The following ABCC4 variants were observed in gnomAD, a reference collection of about 807,000 sequenced individuals.
ABCC4 encodes the protein ATP-binding cassette sub-family C member 4.
Under a neutral mutation model 168.5 loss-of-function variants are expected in ABCC4, and 102 were observed. The ratio of observed to expected loss-of-function variants is 0.61; its 90% CI spans 0.52 to 0.71. The LOEUF is 0.71. Ranked by LOEUF, ABCC4 falls within the 30% of genes least tolerant of loss-of-function variation. The pLI is 0.00. For synonymous variants in ABCC4, 617 were observed against 590.7 expected (o/e 1.04, Z -0.65); for missense variants, 1,402 against 1,605.8 (o/e 0.87, Z 2.17).
intron 29 of ABCC4, 76 bp downstream of exon 29, chr13:95,043,606 G>T: frequency 7.6e-7 from 1 of 1,315,938 alleles, no homozygotes; most frequent in Non-Finnish European, 1.1e-6. Flanking sequence ...TTTCTATCAA[G>T]TTTTACAAGG....
At chr13:95,057,080 T>C (rs940709257) in intron 26 of ABCC4, among the ~76,000 whole-genome samples, 10 of 152,344 alleles carry the variant, frequency 6.6e-5, no homozygotes, top group African/African-American at 2.2e-4. Flanking sequence ...CACCTTGGTG[T>C]TCTCCTTGGG....
At chr13:95,235,804 C>T (rs954374479) in intron 3 of ABCC4, among the ~76,000 whole-genome samples, 1 of 152,126 alleles carries the variant, frequency 6.6e-6, no homozygotes, top group Admixed American at 6.6e-5. Flanking sequence ...CCCGGATGTG[C>T]CCAGAAGAAC....
rs181510421 is a variant in ABCC4 at position 95,063,307 on chromosome 13, A to C, written c.3211-448T>G. Among the ~76,000 whole-genome samples, 748 of 152,346 alleles carry C rather than the reference A, an allele frequency of 4.9e-3. 6 individuals carry two copies. Among genetic ancestry groups the C allele is most frequent in the African/African-American group, 0.017 (688 of 41,574 alleles). The stretch of plus-strand genomic sequence containing the variant: ...TTAGCTTTGCTTGCAGGATCTGAGT[A>C]ATCTGAATTTCTGAGATAATTTCAC... On this transcript the variant is annotated intron_variant, in intron 25 of 30. Coordinates refer to ENST00000645237, the MANE Select transcript of ABCC4 (RefSeq NM_005845.5).
At chr13:95,163,322 A>G in intron 17 of ABCC4, 106 bp from the exon 18 acceptor site, 1 of 780,174 alleles carries the variant, frequency 1.3e-6, no homozygotes, top group East Asian at 2.7e-5. Context: ...CATGCTGGAA[A>G]ATGATTCTCA....
At chr13:95,121,812 T>A (rs1028986267) in intron 19 of ABCC4, among the ~76,000 whole-genome samples, 5 of 152,096 alleles carry the variant, frequency 3.3e-5, no homozygotes, top group African/African-American at 1.2e-4. Flanking sequence ...AGACACCTCA[T>A]CTCCTCCCTT....
chr13:95,190,752 G>C (rs2038226609), intron 9 of ABCC4, among the ~76,000 whole-genome samples: 1 of 152,212 alleles, frequency 6.6e-6, no homozygotes. Flanking sequence ...GAATCCTAAA[G>C]GGGTTTAAGC....
At chr13:95,287,300 G>C (rs1488131440) in intron 1 of ABCC4, among the ~76,000 whole-genome samples, 1 of 140,674 alleles carries the variant, frequency 7.1e-6, no homozygotes, top group Non-Finnish European at 1.5e-5. Context: ...TCCAAAAAAA[G>C]AGAACTGGCC....
intron 8 of ABCC4, among the ~76,000 whole-genome samples, chr13:95,205,295 A>G (rs1044801451): frequency 1.4e-4 from 22 of 152,254 alleles, no homozygotes; most frequent in Admixed American, 5.2e-4. Flanking sequence ...CTTCATCATA[A>G]AAAAGAATCT....
Position 95,209,613 on chromosome 13 carries a change from C to T in ABCC4, c.622-16G>A. The T allele has an allele frequency of 1.2e-6, 2 of 1,604,250 alleles. No individual in the cohort carries two copies. Among genetic ancestry groups the T allele is most frequent in the South Asian group, 1.1e-5 (1 of 89,722 alleles). On this transcript the variant is annotated splice_polypyrimidine_tract_variant and intron_variant, in intron 5 of 30. Transcript: ENST00000645237. ...ACACTGTCACCTTTAAAGAAAAAGA[C>T]AGAGCGTTCTTAGGACTCCAGAAAA...
intron 20 of ABCC4, among the ~76,000 whole-genome samples, chr13:95,098,902 T>G (rs1260015460): frequency 6.6e-6 from 1 of 152,200 alleles, no homozygotes; most frequent in Non-Finnish European, 1.5e-5. Flanking sequence ...GTGGAGCAAC[T>G]AGAATGCTCA....
intron 22 of ABCC4, among the ~76,000 whole-genome samples, 170 bp from the exon 23 acceptor site, chr13:95,074,494 C>CATA (rs2033833448): frequency 6.6e-6 from 1 of 152,148 alleles, no homozygotes; most frequent in Non-Finnish European, 1.5e-5. Flanking sequence ...ATACGATACA[C>CATA]ATACACAATG....
intron 1 of ABCC4, among the ~76,000 whole-genome samples, chr13:95,262,725 T>C (rs2040564373): frequency 1.3e-5 from 2 of 151,700 alleles, no homozygotes; most frequent in Admixed American, 6.6e-5. Context: ...CTCCGCTTCC[T>C]GGGTTCAAGC....
intron 1 of ABCC4, among the ~76,000 whole-genome samples, chr13:95,300,317 G>A (rs1181690294): frequency 6.6e-6 from 1 of 152,090 alleles, no homozygotes; most frequent in Non-Finnish European, 1.5e-5. Flanking sequence ...GAAGGTTAGC[G>A]ATTCCAGGGA....
intron 13 of ABCC4, among the ~76,000 whole-genome samples, chr13:95,176,622 A>T (rs2037713245): frequency 6.6e-6 from 1 of 152,150 alleles, no homozygotes; most frequent in South Asian, 2.1e-4. Flanking sequence ...CAAGAATGAA[A>T]TCTGAACTTG....
intron 19 of ABCC4, among the ~76,000 whole-genome samples, chr13:95,117,534 A>C (rs1239693850): frequency 6.6e-6 from 1 of 152,210 alleles, no homozygotes; most frequent in Non-Finnish European, 1.5e-5. Context: ...GCTATACTTA[A>C]GAAACATTAA....
intron 1 of ABCC4, among the ~76,000 whole-genome samples, chr13:95,295,620 C>T (rs981562286): frequency 3.4e-5 from 5 of 149,036 alleles, no homozygotes; most frequent in Admixed American, 1.3e-4. Flanking sequence ...ATCACGCCAC[C>T]GCACTCCAGA....
chr13:95,051,221 C>T (rs183245471), intron 27 of ABCC4, among the ~76,000 whole-genome samples: 3 of 152,350 alleles, frequency 2.0e-5, no homozygotes, highest in South Asian at 2.1e-4. Flanking sequence ...TGTAAGGACT[C>T]GGCAATGACA....
Position 95,234,687 on chromosome 13 carries a change from G to A in ABCC4, c.454C>T (p.His152Tyr). ...TFCTLILAIL[H>Y]HLYFYHVQCA... Reference sequence around the variant, plus strand: ...TGAACGTGATAAAAATATAAGTGATGCAGTATAGCCAAAATGAGCGTGCAA... The same window carrying A: ...TGAACGTGATAAAAATATAAGTGATACAGTATAGCCAAAATGAGCGTGCAA... The change falls in exon 4 of 31, where the codon CAT (histidine) becomes TAT (tyrosine). Residue 152 changes from histidine to tyrosine, a missense_variant. Physicochemically the swap from His to Tyr is moderately conservative, Grantham distance 83. Coordinates refer to ENST00000645237, the MANE Select transcript of ABCC4 (RefSeq NM_005845.5). 2 of 1,614,072 alleles carry A rather than the reference G, an allele frequency of 1.2e-6. No homozygotes were observed. Among genetic ancestry groups the A allele is most frequent in the South Asian group, 1.1e-5 (1 of 91,066 alleles).
At chr13:95,121,641 T>G (rs2035575201) in intron 19 of ABCC4, among the ~76,000 whole-genome samples, 1 of 152,000 alleles carries the variant, frequency 6.6e-6, no homozygotes, top group Non-Finnish European at 1.5e-5. Flanking sequence ...CTCTTGAGGC[T>G]CAAGCAATCT....
Sources: allele counts gnomAD v4.1 joint callset (sites outside exome capture counted in the v4.1 genomes callset), GRCh38; gene constraint gnomAD v4.1.1; transcripts MANE v1.5; gene names NCBI Gene and HGNC (gene_info 2026-07-23, HGNC 2026-07-21).